RSBN1L: variants seen among roughly 807,000 people sequenced by gnomAD.
RSBN1L encodes the protein lysine-specific demethylase RSBN1L.
RSBN1L carries 30 observed loss-of-function variants against 67.7 expected under a neutral mutation model. The ratio of observed to expected loss-of-function variants is 0.44; its 90% CI spans 0.33 to 0.60. RSBN1L has a LOEUF of 0.60. Ranked by LOEUF, RSBN1L falls within the 20% of genes least tolerant of loss-of-function variation. The probability of loss-of-function intolerance (pLI) is 0.02; values close to 1 mark genes in which losing one functional copy is unlikely to be tolerated. For missense variants in RSBN1L, 992 were observed against 1,031.7 expected, an observed-to-expected ratio of 0.96 and a Z score of 0.53; for synonymous variants, 433 against 387.0, an observed-to-expected ratio of 1.12 and a Z score of -1.39.
In RSBN1L at chr7:77,722,255, G is replaced by C. The variant is rs1193997834; in HGVS notation, c.587-14155G>C. On this transcript the variant is annotated intron_variant, in intron 1 of 7. Coordinates refer to ENST00000334955, the MANE Select transcript of RSBN1L (RefSeq NM_198467.3). ...GGTTGGGAGATTAATTTGGAGATTA[G>C]TTTGCCACAGGGTTATAGTTTACAT... Among the ~76,000 whole-genome samples the C allele has an allele frequency of 2.0e-5, 3 of 152,222 alleles. No individual in the cohort carries two copies. The East Asian group carries it at 5.8e-4, about 29-fold the overall frequency.
chr7:77,774,067 T>C lies in RSBN1L; in HGVS notation c.1793+753T>C, dbSNP rs112475420. Among the ~76,000 whole-genome samples, 13 of 152,350 alleles carry C rather than the reference T, an allele frequency of 8.5e-5. 1 individual carries two copies. The highest frequency in any genetic ancestry group is 2.9e-4 in the African/African-American group (12 of 41,584). On this transcript the variant is annotated intron_variant, in intron 6 of 7. Transcript: ENST00000334955. ...TTCAATCTGATTCCATACTCTTCTG[T>C]TTTCTCTTCCTCCTGCTTTGCTGTA... is the stretch of plus-strand genomic sequence containing the variant.
In RSBN1L at chr7:77,725,833, G is replaced by A. The variant is rs563175354; in HGVS notation, c.587-10577G>A. ...TGGAACTCCTGACCTCAGGTCATCC[G>A]CCTGCCTCCCAAAGTGCTGGGATTA... On this transcript the variant is annotated intron_variant, in intron 1 of 7. Coordinates refer to ENST00000334955, the MANE Select transcript of RSBN1L (RefSeq NM_198467.3). Among the ~76,000 whole-genome samples, 22 of 149,952 alleles carry A rather than the reference G, an allele frequency of 1.5e-4. No homozygotes were observed. The South Asian group carries it at 4.5e-3, about 30-fold the overall frequency.
chr7:77,709,174 GTGTGTGTGTGTGTGTGTGTGTGTA>G (rs1584275099), intron 1 of RSBN1L, among the ~76,000 whole-genome samples: 1 of 128,412 alleles, frequency 7.8e-6, no homozygotes. Flanking sequence ...GTGTGTGTGT[GTGTGTGTGTGTGTGTGTGTGTGTA>G]TGTATGTGTA....
chr7:77,778,350 C>T lies in RSBN1L; in HGVS notation c.1806C>T (p.Pro602=), dbSNP rs760790913. The stretch of plus-strand genomic sequence containing the variant: ...TTTTCTTTTTTAGGCCTGATCAACC[C>T]CGTATAACCAAAGATGTAATTTGTT... ...AVHCGEWPDQ[P]RITKDVICFH... The change falls in exon 7 of 8, where the codon CCC becomes CCT. Residue 602 remains proline, a synonymous_variant. Coordinates refer to ENST00000334955, the MANE Select transcript of RSBN1L (RefSeq NM_198467.3). 2.4e-5 allele frequency: 38 copies of T among 1,608,768 alleles called. No individual in the cohort carries two copies. Among genetic ancestry groups the T allele is most frequent in the Non-Finnish European group, 3.1e-5 (37 of 1,177,930 alleles).
chr7:77,775,239 A>G (rs1021069927), intron 6 of RSBN1L, among the ~76,000 whole-genome samples: 13 of 152,118 alleles, frequency 8.5e-5, no homozygotes, highest in African/African-American at 2.9e-4. Context: ...AATTTTTTAA[A>G]AAAAGGAGAA....
rs145364816 is a variant in RSBN1L, at chr7:77,718,530, A to G, written c.587-17880A>G. Reference sequence around the variant, plus strand: ...GGTCTCAAACTCCTGGGTTCAAGCAATCTGCCTGCCCCGGCCTCTCAAAGT... The same window carrying G: ...GGTCTCAAACTCCTGGGTTCAAGCAGTCTGCCTGCCCCGGCCTCTCAAAGT... On this transcript the variant is annotated intron_variant, in intron 1 of 7. Coordinates refer to ENST00000334955, the MANE Select transcript of RSBN1L (RefSeq NM_198467.3). Among the ~76,000 whole-genome samples the G allele has an allele frequency of 3.2e-3, 487 of 152,234 alleles. 2 individuals are homozygous for G. The highest frequency in any genetic ancestry group is 5.6e-3 in the South Asian group (27 of 4,818).
chr7:77,750,302 T>G (rs897083070), intron 3 of RSBN1L, among the ~76,000 whole-genome samples: 471 of 137,754 alleles, frequency 3.4e-3, no homozygotes, highest in Non-Finnish European at 5.5e-3. Context: ...CTGTGTTTTT[T>G]TTTTTTTTTT....
chr7:77,706,186 C>G (rs972340185), intron 1 of RSBN1L, among the ~76,000 whole-genome samples: 1 of 151,938 alleles, frequency 6.6e-6, no homozygotes, highest in Non-Finnish European at 1.5e-5. Flanking sequence ...AAGCGATTCT[C>G]CTGCCTCGGC....
Position 77,778,634 on chromosome 7 carries a change from G to A in RSBN1L, c.2007G>A (p.Arg669=), listed in dbSNP as rs752393517. 1.2e-6 allele frequency: 2 copies of A among 1,614,012 alleles called. No individual in the cohort carries two copies. Among genetic ancestry groups the A allele is most frequent in the Non-Finnish European group, 1.7e-6 (2 of 1,179,988 alleles). ...LYDNDIYFIP[R]NVVHQFKTVS... is the part of the protein sequence containing the mutation. ...ATAATGACATTTATTTTATTCCAAGGAATGTTGTTCATCAGTTCAAGACAG... is the reference window on the plus strand; with the variant it reads ...ATAATGACATTTATTTTATTCCAAGAAATGTTGTTCATCAGTTCAAGACAG... Residue 669 remains arginine, a synonymous_variant, in exon 8 of 8, where the codon AGG becomes AGA. Transcript: ENST00000334955.
At chr7:77,762,357 T>C (rs1791706571) in intron 3 of RSBN1L, among the ~76,000 whole-genome samples, 1 of 152,170 alleles carries the variant, frequency 6.6e-6, no homozygotes, top group East Asian at 1.9e-4. Context: ...GTGCCCAAAC[T>C]AGACAGAGAA....
chr7:77,748,045 G>A (rs1173373314), intron 2 of RSBN1L, among the ~76,000 whole-genome samples: 1 of 152,132 alleles, frequency 6.6e-6, no homozygotes, highest in East Asian at 1.9e-4. Flanking sequence ...ATAAGAAATT[G>A]TAAATAAATA....
chr7:77,702,263 G>T (rs1030025040), intron 1 of RSBN1L, among the ~76,000 whole-genome samples: 2 of 152,204 alleles, frequency 1.3e-5, no homozygotes, highest in African/African-American at 2.4e-5. Flanking sequence ...ACTGCGCCTG[G>T]AAAAGTTTAA....
intron 3 of RSBN1L, among the ~76,000 whole-genome samples, chr7:77,760,005 C>T (rs1395375321): frequency 6.6e-6 from 1 of 152,066 alleles, no homozygotes; most frequent in African/African-American, 2.4e-5. Context: ...GTGAGTCGTT[C>T]TTTGGGGTTT....
intron 1 of RSBN1L, among the ~76,000 whole-genome samples, chr7:77,724,020 C>T (rs1362722643): frequency 6.6e-6 from 1 of 152,004 alleles, no homozygotes; most frequent in African/African-American, 2.4e-5. Flanking sequence ...TCAAGCTATC[C>T]TCCCACCTTG....
At chr7:77,750,303 T>TG (rs1432949506) in intron 3 of RSBN1L, among the ~76,000 whole-genome samples, 12 of 138,486 alleles carry the variant, frequency 8.7e-5, no homozygotes, top group Admixed American at 1.5e-4. Flanking sequence ...TGTGTTTTTT[T>TG]TTTTTTTTTT....
In RSBN1L at chr7:77,782,250, GT is replaced by G. The variant is rs1477773540; in HGVS notation, c.*3085del. ...TACAAGCGTTTTGCTTTTATTTCCA[GT>G]TTCTTGGACCAGAACAATAAAATAC... On this transcript the variant is annotated 3_prime_UTR_variant, in exon 8 of 8. Transcript: ENST00000334955. 6.6e-6 allele frequency: 1 copy of G among 151,916 alleles called. No individual in the cohort carries two copies. Among genetic ancestry groups the G allele is most frequent in the African/African-American group, 2.4e-5 (1 of 41,360 alleles). The allele number at this position is 151,916 out of a possible 1,614,324, so 9.4% of individuals were successfully genotyped here. A position where few individuals can be genotyped will look rare whatever the true frequency, so the allele number is the denominator to read the frequency against.
At chr7:77,758,325 G>A (rs1026943185) in intron 3 of RSBN1L, among the ~76,000 whole-genome samples, 1 of 152,010 alleles carries the variant, frequency 6.6e-6, no homozygotes, top group Non-Finnish European at 1.5e-5. Context: ...CAAAGTGCTC[G>A]GCCTATTTAA....
chr7:77,767,062 T>C (rs1398041504), intron 4 of RSBN1L, among the ~76,000 whole-genome samples: 17 of 103,588 alleles, frequency 1.6e-4, no homozygotes, highest in African/African-American at 1.9e-4. Flanking sequence ...TCCCCTTCCC[T>C]TTCCCCTTCC....
intron 1 of RSBN1L, among the ~76,000 whole-genome samples, chr7:77,723,704 G>A (rs1352337912): frequency 6.6e-6 from 1 of 152,124 alleles, no homozygotes; most frequent in Non-Finnish European, 1.5e-5. Context: ...GGGAGGCCGA[G>A]GTGGGAGGAT....
Sources: allele counts gnomAD v4.1 joint callset (sites outside exome capture counted in the v4.1 genomes callset), GRCh38; gene constraint gnomAD v4.1.1; transcripts MANE v1.5; gene names NCBI Gene and HGNC (gene_info 2026-07-23, HGNC 2026-07-21).